GKAP1: variants seen among roughly 807,000 people sequenced by gnomAD.
The protein encoded by GKAP1 is G kinase-anchoring protein 1.
GKAP1 carries 31 observed loss-of-function variants against 56.7 expected under a neutral mutation model. The observed-to-expected ratio is 0.55, with a 90% confidence interval of 0.41 to 0.74. The LOEUF is 0.74. Among genes scored for constraint, GKAP1 ranks in the 30% least tolerant of loss-of-function variants. GKAP1 has a pLI of 0.00. For missense variants in GKAP1, 364 were observed against 402.3 expected, an observed-to-expected ratio of 0.90 and a Z score of 0.82; for synonymous variants, 151 against 138.6, an observed-to-expected ratio of 1.09 and a Z score of -0.63.
At position 83,804,849 on chromosome 9, in the gene GKAP1, G is replaced by T. The variant is rs1944410759; in HGVS notation, c.216+1453C>A. On this transcript the variant is annotated intron_variant, in intron 3 of 12. Coordinates refer to ENST00000376371, the MANE Select transcript of GKAP1 (RefSeq NM_025211.4). ...CCGCCCCGTCCGGGAGGGAGGTGGG[G>T]GGTCAGCCCCCCGCCCGGCCAGCCG... 1.4e-5 allele frequency among the ~76,000 whole-genome samples: 2 copies of T among 144,988 alleles called. 1 individual carries two copies. The highest frequency in any genetic ancestry group is 3.0e-5 in the Non-Finnish European group (2 of 66,134).
chr9:83,759,754 A>C (rs1943537834), intron 8 of GKAP1, among the ~76,000 whole-genome samples: 1 of 152,202 alleles, frequency 6.6e-6, no homozygotes, highest in Non-Finnish European at 1.5e-5. Context: ...CACTAGTGGT[A>C]TGTTAATGCT....
chr9:83,779,187 T>C (rs1441238433), intron 7 of GKAP1, among the ~76,000 whole-genome samples: 1 of 151,946 alleles, frequency 6.6e-6, no homozygotes, highest in African/African-American at 2.4e-5. Flanking sequence ...ATTCAGTCTA[T>C]ATATGTAGTC....
intron 6 of GKAP1, among the ~76,000 whole-genome samples, chr9:83,781,290 G>A (rs574489036): frequency 6.6e-6 from 1 of 152,322 alleles, no homozygotes; most frequent in Admixed American, 6.5e-5. Context: ...TTGAACCCAG[G>A]AGGCGGAGGC....
At chr9:83,810,289 A>C (rs1405781542) in intron 2 of GKAP1, among the ~76,000 whole-genome samples, 1 of 152,224 alleles carries the variant, frequency 6.6e-6, no homozygotes, top group African/African-American at 2.4e-5. Flanking sequence ...ATTCTAAGAA[A>C]TCATTATTTA....
At chr9:83,789,802 G>A (rs370738885) in intron 4 of GKAP1, among the ~76,000 whole-genome samples, 8 of 152,086 alleles carry the variant, frequency 5.3e-5, no homozygotes, top group South Asian at 2.1e-4. Flanking sequence ...GATAACCCTC[G>A]AAAAATGACA....
At chr9:83,755,798 ACTTT>A (rs1319537290) in intron 8 of GKAP1, among the ~76,000 whole-genome samples, 4 of 146,146 alleles carry the variant, frequency 2.7e-5, no homozygotes, top group African/African-American at 1.0e-4. Context: ...TCAAACTGGT[ACTTT>A]TTTTTTTTTT....
At chr9:83,759,927 T>G (rs1943540726) in intron 8 of GKAP1, among the ~76,000 whole-genome samples, 2 of 152,232 alleles carry the variant, frequency 1.3e-5, no homozygotes, top group Admixed American at 1.3e-4. Flanking sequence ...GCCTTTAAAT[T>G]TGCCACAGTC....
In GKAP1 at chr9:83,781,133, C is replaced by T. The variant is rs111778786; in HGVS notation, c.563-729G>A. On this transcript the variant is annotated intron_variant, in intron 6 of 12. Coordinates refer to ENST00000376371, the MANE Select transcript of GKAP1 (RefSeq NM_025211.4). ...ATCCCAGCACTTTGGGAGGCCCAGG[C>T]GGGCGGATCACCTGAGGCCAGGAGT... 9.9e-5 allele frequency among the ~76,000 whole-genome samples: 15 copies of T among 152,184 alleles called. 1 individual carries two copies. Among genetic ancestry groups the T allele is most frequent in the South Asian group, 4.2e-4 (2 of 4,814 alleles).
chr9:83,763,147 C>A (rs1458873494), intron 8 of GKAP1, among the ~76,000 whole-genome samples: 1 of 152,152 alleles, frequency 6.6e-6, no homozygotes, highest in African/African-American at 2.4e-5. Context: ...ATGGGTGGAA[C>A]TGGAGGTCAT....
chr9:83,761,280 G>A (rs1276922994), intron 8 of GKAP1, among the ~76,000 whole-genome samples: 2 of 152,034 alleles, frequency 1.3e-5, no homozygotes, highest in Non-Finnish European at 2.9e-5. Flanking sequence ...AGGATCATTA[G>A]TGGCTACTAT....
At position 83,739,573 on chromosome 9, in the gene GKAP1, C is replaced by G; in HGVS notation, c.*124G>C. ...AATAAAATTATAGACCATTAGGGAG[C>G]TAGTTGCTTTTAGTTCCTTCAAGAA... On this transcript the variant is annotated 3_prime_UTR_variant, in exon 13 of 13. Coordinates refer to ENST00000376371, the MANE Select transcript of GKAP1 (RefSeq NM_025211.4). 1 of 573,406 alleles carries G rather than the reference C, an allele frequency of 1.7e-6. No individual in the cohort carries two copies. The highest frequency in any genetic ancestry group is 2.8e-5 in the East Asian group (1 of 35,816). 35.5% of individuals were successfully genotyped at this position (573,406 alleles called of 1,614,324 possible). A position where few individuals can be genotyped will look rare whatever the true frequency, so the allele number is the denominator to read the frequency against.
intron 8 of GKAP1, among the ~76,000 whole-genome samples, chr9:83,765,949 T>C (rs1043391989): frequency 1.3e-5 from 2 of 152,124 alleles, no homozygotes; most frequent in African/African-American, 4.8e-5. Flanking sequence ...TGGGAAGGCA[T>C]GATTGTGTTT....
rs899992686 is a variant in GKAP1 at position 83,775,235 on chromosome 9, G to A, written c.585+5147C>T. ...TTGCCTAGGCTGGTCTGGATCTCCTGGCCTCAAGCATTCCTCTCACCTCAG... is the reference window on the plus strand; with the variant it reads ...TTGCCTAGGCTGGTCTGGATCTCCTAGCCTCAAGCATTCCTCTCACCTCAG... On this transcript the variant is annotated intron_variant, in intron 7 of 12. Coordinates refer to ENST00000376371, the MANE Select transcript of GKAP1 (RefSeq NM_025211.4). Among the ~76,000 whole-genome samples, 5 of 151,890 alleles carry A rather than the reference G, an allele frequency of 3.3e-5. No individual in the cohort carries two copies. In the East Asian group the frequency reaches 9.7e-4, roughly 29 times the overall value.
chr9:83,810,731 T>C (rs186840214), intron 2 of GKAP1, among the ~76,000 whole-genome samples: 60 of 152,350 alleles, frequency 3.9e-4, no homozygotes, highest in Non-Finnish European at 5.4e-4. Context: ...TTGTAAAGAC[T>C]GAATAAGTTA....
At chr9:83,776,114 A>C (rs1003270024) in intron 7 of GKAP1, among the ~76,000 whole-genome samples, 7 of 151,628 alleles carry the variant, frequency 4.6e-5, no homozygotes, top group African/African-American at 1.2e-4. Context: ...TATGAGGTCA[A>C]CTCTCCCCCT....
At chr9:83,781,987 G>A (rs1943981426) in intron 6 of GKAP1, among the ~76,000 whole-genome samples, 1 of 151,822 alleles carries the variant, frequency 6.6e-6, no homozygotes, top group Non-Finnish European at 1.5e-5. Context: ...GGGACTACAG[G>A]CGCGTGCCAC....
chr9:83,803,920 T>C (rs1339489685), intron 3 of GKAP1, among the ~76,000 whole-genome samples: 132 of 138,780 alleles, frequency 9.5e-4, no homozygotes, highest in African/African-American at 3.5e-3. Flanking sequence ...GTCTGGGATG[T>C]GAGGAGCGCC....
intron 7 of GKAP1, among the ~76,000 whole-genome samples, chr9:83,771,990 G>A (rs1005583519): frequency 6.6e-6 from 1 of 151,678 alleles, no homozygotes; most frequent in African/African-American, 2.4e-5. Flanking sequence ...AGGCCACAAA[G>A]TTTCTTTTTG....
intron 12 of GKAP1, among the ~76,000 whole-genome samples, chr9:83,740,944 T>G (rs890657073): frequency 6.6e-6 from 1 of 152,106 alleles, no homozygotes; most frequent in Non-Finnish European, 1.5e-5. Context: ...ATATAAAAAT[T>G]TTGCCAATAT....
Sources: gnomAD v4.1 joint callset for allele counts (sites outside exome capture counted in the v4.1 genomes callset) on GRCh38, gnomAD v4.1.1 for gene constraint, MANE v1.5 for transcripts, NCBI Gene and HGNC (gene_info 2026-07-23, HGNC 2026-07-21) for gene names.